The following PDE8A variants were observed in gnomAD, a reference collection of about 807,000 sequenced individuals.
The protein encoded by PDE8A is phosphodiesterase 8A, also known as high affinity cAMP-specific and IBMX-insensitive 3',5'-cyclic phosphodiesterase 8A.
A neutral mutation model predicts 105.0 loss-of-function variants in PDE8A; 59 were observed. The observed-to-expected ratio is 0.56, with a 90% CI of 0.46 to 0.70. PDE8A has a LOEUF of 0.70. Among genes scored for constraint, PDE8A ranks in the 30% least tolerant of loss-of-function variants. The probability of loss-of-function intolerance (pLI) is 0.00; values close to 1 mark genes in which losing one functional copy is unlikely to be tolerated. For synonymous variants in PDE8A, 355 were observed against 371.9 expected (o/e 0.95, Z 0.52); for missense variants, 1,014 against 1,045.9 (o/e 0.97, Z 0.42).
chr15:85,051,239 A>G (rs2080967864), intron 1 of PDE8A, among the ~76,000 whole-genome samples: 3 of 152,186 alleles, frequency 2.0e-5, no homozygotes, highest in Admixed American at 1.3e-4. Flanking sequence ...TTTCTTACCT[A>G]TAAGATCATA....
intron 1 of PDE8A, among the ~76,000 whole-genome samples, chr15:85,011,601 A>C (rs897488827): frequency 9.2e-5 from 14 of 152,356 alleles, no homozygotes; most frequent in African/African-American, 3.1e-4. Flanking sequence ...TCCTAGAAGA[A>C]AACCTAGGCA....
chr15:84,989,624 G>C (rs2079855280), intron 1 of PDE8A, among the ~76,000 whole-genome samples: 2 of 152,148 alleles, frequency 1.3e-5, no homozygotes, highest in Non-Finnish European at 1.5e-5. Context: ...TCCTGATCCT[G>C]AGTTTTCTCA....
At position 85,084,438 on chromosome 15, in the gene PDE8A, G is replaced by A. The variant is rs116536571; in HGVS notation, c.635+794G>A. 6.6e-3 allele frequency among the ~76,000 whole-genome samples: 1,003 copies of A among 152,288 alleles called. 11 individuals are homozygous for A. Among genetic ancestry groups the A allele is most frequent in the African/African-American group, 0.023 (962 of 41,558 alleles). Reference sequence around the variant, plus strand: ...TGCTGAGCAGAGGTGTTTGAAGGCTGGTGTGGTATACAAAAGAGATTTTTA... The same window carrying A: ...TGCTGAGCAGAGGTGTTTGAAGGCTAGTGTGGTATACAAAAGAGATTTTTA... On this transcript the variant is annotated intron_variant, in intron 6 of 21. Transcript: ENST00000394553.
chr15:85,011,252 G>A (rs112282245), intron 1 of PDE8A, among the ~76,000 whole-genome samples: 75 of 152,288 alleles, frequency 4.9e-4, no homozygotes, highest in African/African-American at 1.7e-3. Flanking sequence ...GTAGGAAGAC[G>A]AATTGAAGAT....
chr15:85,001,673 T>G (rs903702338), intron 1 of PDE8A, among the ~76,000 whole-genome samples: 23 of 152,188 alleles, frequency 1.5e-4, no homozygotes, highest in African/African-American at 5.5e-4. Context: ...TCATTACAAA[T>G]CAAAGATCTT....
intron 1 of PDE8A, among the ~76,000 whole-genome samples, chr15:85,055,187 T>C (rs1041005190): frequency 6.6e-6 from 1 of 152,244 alleles, no homozygotes; most frequent in East Asian, 1.9e-4. Context: ...CAGTTTGTTA[T>C]AATTTCTGTT....
At chr15:85,096,972 T>C (rs1286070878) in intron 8 of PDE8A, among the ~76,000 whole-genome samples, 1 of 152,140 alleles carries the variant, frequency 6.6e-6, no homozygotes, top group Non-Finnish European at 1.5e-5. Flanking sequence ...CAAACAAGAA[T>C]ATTTCAGAAT....
At chr15:85,064,265 G>T in intron 1 of PDE8A, 105 bp from the exon 2 acceptor site, 1 of 717,858 alleles carries the variant, frequency 1.4e-6, no homozygotes, top group Non-Finnish European at 2.4e-6. Flanking sequence ...TTTGCCTCTA[G>T]AATAGAAATT....
At chr15:85,115,340 G>A in intron 14 of PDE8A, 99 bp from the exon 15 acceptor site, 2 of 733,598 alleles carry the variant, frequency 2.7e-6, no homozygotes, top group Non-Finnish European at 4.6e-6. Flanking sequence ...TGGTGGAGAG[G>A]GCTGCCCTGA....
intron 17 of PDE8A, chr15:85,120,062 A>G (rs2082156519): frequency 6.8e-6 from 1 of 147,780 alleles, no homozygotes; most frequent in African/African-American, 2.7e-5. Context: ...AGTACTGCAC[A>G]CATATGTACT....
intron 1 of PDE8A, among the ~76,000 whole-genome samples, chr15:85,001,636 C>G (rs1317526732): frequency 1.3e-5 from 2 of 152,152 alleles, no homozygotes; most frequent in Non-Finnish European, 2.9e-5. Context: ...GTTGAAGTGG[C>G]TTCACCTTGT....
intron 6 of PDE8A, 144 bp from the exon 7 acceptor site, chr15:85,089,194 G>T: frequency 1.7e-6 from 1 of 589,648 alleles, no homozygotes; most frequent in South Asian, 2.1e-5. Context: ...GCTTGCAGGG[G>T]GGTGTTTATT....
chr15:85,020,472 C>T (rs1206281961), intron 1 of PDE8A, among the ~76,000 whole-genome samples: 1 of 152,144 alleles, frequency 6.6e-6, no homozygotes, highest in Non-Finnish European at 1.5e-5. Flanking sequence ...GGCATGGTGG[C>T]GCGTGCCTGT....
chr15:85,099,172 C>T (rs2081814010), intron 9 of PDE8A, among the ~76,000 whole-genome samples: 1 of 152,108 alleles, frequency 6.6e-6, no homozygotes. Flanking sequence ...TGGTAAATGC[C>T]ACTTCATTCC....
At chr15:85,030,440 C>CA (rs1324719208) in intron 1 of PDE8A, among the ~76,000 whole-genome samples, 6 of 152,064 alleles carry the variant, frequency 3.9e-5, no homozygotes. Context: ...TAAGCATAAT[C>CA]AGAGTGAGGA....
rs867447851 is a variant in PDE8A at position 85,066,538 on chromosome 15, C to T, written c.244-476C>T. On this transcript the variant is annotated intron_variant, in intron 2 of 21. Coordinates refer to ENST00000394553, the MANE Select transcript of PDE8A (RefSeq NM_002605.3). ...GACATCACACCACTGTACACCAGCCCATGCAACAGAGGAAGACCCTGTTGC... is the reference window on the plus strand; with the variant it reads ...GACATCACACCACTGTACACCAGCCTATGCAACAGAGGAAGACCCTGTTGC... Among the ~76,000 whole-genome samples the T allele has an allele frequency of 8.1e-4, 122 of 149,844 alleles. 2 individuals are homozygous for T. Among genetic ancestry groups the T allele is most frequent in the African/African-American group, 2.8e-3 (112 of 40,720 alleles).
intron 8 of PDE8A, among the ~76,000 whole-genome samples, chr15:85,095,030 C>T (rs1037460930): frequency 1.3e-5 from 2 of 152,144 alleles, no homozygotes; most frequent in Admixed American, 6.5e-5. Context: ...ACACACTGTG[C>T]CCACCCTGGG....
At chr15:85,072,087 T>C (rs924205239) in intron 3 of PDE8A, among the ~76,000 whole-genome samples, 1 of 152,220 alleles carries the variant, frequency 6.6e-6, no homozygotes, top group Non-Finnish European at 1.5e-5. Context: ...AGAAGCAAGA[T>C]TGAACTCAGA....
At chr15:85,116,474 CAT>C (rs890382889) in intron 16 of PDE8A, among the ~76,000 whole-genome samples, 4 of 152,214 alleles carry the variant, frequency 2.6e-5, no homozygotes, top group African/African-American at 7.2e-5. Flanking sequence ...AACACATACA[CAT>C]GTGATAAGAG....
Sources: gnomAD v4.1 joint callset for allele counts (sites outside exome capture counted in the v4.1 genomes callset) on GRCh38, gnomAD v4.1.1 for gene constraint, MANE v1.5 for transcripts, NCBI Gene and HGNC (gene_info 2026-07-23, HGNC 2026-07-21) for gene names.